RCBTB1: variants seen among roughly 807,000 people sequenced by gnomAD.
The protein encoded by RCBTB1 is RCC1 and BTB domain-containing protein 1.
A neutral mutation model predicts 62.4 loss-of-function variants in RCBTB1; 46 were observed. That is an observed-to-expected ratio of 0.74 (90% CI 0.58 to 0.94). RCBTB1 has a LOEUF of 0.94. RCBTB1 is among the 40% of genes least tolerant of loss of function. The pLI is 0.00. For missense variants in RCBTB1, 565 were observed against 654.9 expected (o/e 0.86, Z 1.50); for synonymous variants, 222 against 245.8 (o/e 0.90, Z 0.91).
intron 5 of RCBTB1, 95 bp downstream of exon 5, chr13:49,559,823 T>A (rs1225368190): frequency 8.6e-7 from 1 of 1,161,866 alleles, no homozygotes; most frequent in African/African-American, 1.6e-5. Context: ...CACTGAACTA[T>A]ACACTTAAAA....
Position 49,540,858 on chromosome 13 carries a change from G to C in RCBTB1, c.1455+18C>G. The C allele has an allele frequency of 6.2e-7, 1 of 1,610,330 alleles. No individual in the cohort carries two copies. Among genetic ancestry groups the C allele is most frequent in the Non-Finnish European group, 8.5e-7 (1 of 1,178,852 alleles). ...GGGAGTTAAAGGTGGTCTGGTTTCT[G>C]TTTGTTGTTTAAGTTACCTCTGCAT... On this transcript the variant is annotated intron_variant, in intron 12 of 12. Coordinates refer to ENST00000378302, the MANE Select transcript of RCBTB1 (RefSeq NM_018191.4).
intron 4 of RCBTB1, among the ~76,000 whole-genome samples, chr13:49,563,258 G>A (rs759665055): frequency 6.8e-6 from 1 of 146,710 alleles, no homozygotes; most frequent in Non-Finnish European, 1.5e-5. Context: ...AAAATGAGGT[G>A]GGAAGATCGC....
Position 49,560,092 on chromosome 13 carries a change from CACA to C in RCBTB1, c.278-11_278-9del. ...AGGCATAAACCACTCCATCTGTGCA[CACA>C]AAGCACACAAAAAATCAGCTCCAAA... On this transcript the variant is annotated splice_polypyrimidine_tract_variant and intron_variant, in intron 4 of 12. Transcript: ENST00000378302. 6.2e-7 allele frequency: 1 copy of C among 1,606,880 alleles called. No individual in the cohort carries two copies. Among genetic ancestry groups the C allele is most frequent in the Non-Finnish European group, 8.5e-7 (1 of 1,177,628 alleles).
At chr13:49,556,364 G>T (rs796864626) in intron 5 of RCBTB1, among the ~76,000 whole-genome samples, 34 of 151,768 alleles carry the variant, frequency 2.2e-4, no homozygotes, top group African/African-American at 8.2e-4. Flanking sequence ...CTAATTTTTT[G>T]TATTTTTAGT....
chr13:49,563,760 T>G (rs1215585152), intron 4 of RCBTB1, among the ~76,000 whole-genome samples: 1 of 152,242 alleles, frequency 6.6e-6, no homozygotes, highest in African/African-American at 2.4e-5. Flanking sequence ...CCAGTTATAT[T>G]CATACCACAT....
chr13:49,564,410 C>T (rs1962728313), intron 4 of RCBTB1, among the ~76,000 whole-genome samples: 1 of 150,514 alleles, frequency 6.6e-6, no homozygotes. Context: ...TATGATGAAA[C>T]CCAGTCTCTA....
At chr13:49,551,102 A>AAAGGGAAGGG (rs758804412) in intron 8 of RCBTB1, 2 of 466,314 alleles carry the variant, frequency 4.3e-6, no homozygotes, top group Admixed American at 7.4e-5. Flanking sequence ...CTGTCTCAAA[A>AAAGGGAAGGG]AAGGGAAGGG....
At chr13:49,534,804 C>A (rs1008168221) in intron 12 of RCBTB1, among the ~76,000 whole-genome samples, 1 of 152,162 alleles carries the variant, frequency 6.6e-6, no homozygotes, top group African/African-American at 2.4e-5. Flanking sequence ...GAGGCCGAGG[C>A]GGGCGGATCA....
At chr13:49,576,473 A>G (rs1237114713) in intron 2 of RCBTB1, among the ~76,000 whole-genome samples, 1 of 152,212 alleles carries the variant, frequency 6.6e-6, no homozygotes, top group African/African-American at 2.4e-5. Context: ...GGAAAAGTAA[A>G]ATCATACTGT....
chr13:49,560,286 G>A (rs925516988), intron 4 of RCBTB1, among the ~76,000 whole-genome samples: 3 of 152,038 alleles, frequency 2.0e-5, no homozygotes, highest in Admixed American at 1.3e-4. Flanking sequence ...AATCTTTAAA[G>A]AAAAAACTTG....
At chr13:49,534,303 A>G in intron 12 of RCBTB1, 41 bp from the exon 13 acceptor site, 2 of 1,595,094 alleles carry the variant, frequency 1.3e-6, no homozygotes, top group Non-Finnish European at 1.7e-6. Flanking sequence ...TGGCTTTTTT[A>G]GGCAACTTTG....
At chr13:49,581,370 G>A (rs1055251694) in intron 1 of RCBTB1, among the ~76,000 whole-genome samples, 5 of 152,224 alleles carry the variant, frequency 3.3e-5, no homozygotes, top group African/African-American at 1.2e-4. Flanking sequence ...CAGAGCCGAA[G>A]ATCACAGGCA....
Position 49,560,098 on chromosome 13 carries a change from G to A in RCBTB1, c.278-14C>T, listed in dbSNP as rs764816390. The A allele has an allele frequency of 6.2e-6, 10 of 1,605,922 alleles. No homozygotes were observed. The highest frequency in any genetic ancestry group is 8.5e-6 in the Non-Finnish European group (10 of 1,177,260). Reference sequence around the variant, plus strand: ...AAACCACTCCATCTGTGCACACAAAGCACACAAAAAATCAGCTCCAAAAAG... The same window carrying A: ...AAACCACTCCATCTGTGCACACAAAACACACAAAAAATCAGCTCCAAAAAG... On this transcript the variant is annotated splice_polypyrimidine_tract_variant and intron_variant, in intron 4 of 12. Transcript: ENST00000378302.
intron 4 of RCBTB1, among the ~76,000 whole-genome samples, chr13:49,560,292 A>G (rs1246387509): frequency 2.0e-5 from 3 of 152,024 alleles, no homozygotes; most frequent in Non-Finnish European, 4.4e-5. Flanking sequence ...TAAAGAAAAA[A>G]CTTGGTAATA....
chr13:49,543,867 T>C (rs978774586), intron 10 of RCBTB1, among the ~76,000 whole-genome samples: 7 of 152,092 alleles, frequency 4.6e-5, no homozygotes, highest in Admixed American at 2.6e-4. Context: ...TTCTATTTTT[T>C]GTAGAGACAG....
At chr13:49,554,970 C>A (rs1961723922) in intron 6 of RCBTB1, among the ~76,000 whole-genome samples, 1 of 152,148 alleles carries the variant, frequency 6.6e-6, no homozygotes, top group African/African-American at 2.4e-5. Flanking sequence ...AAGCTGCATC[C>A]AGAGACTAAT....
At chr13:49,558,182 C>G (rs1453008992) in intron 5 of RCBTB1, among the ~76,000 whole-genome samples, 2 of 152,138 alleles carry the variant, frequency 1.3e-5, no homozygotes, top group East Asian at 3.9e-4. Context: ...GCTGTGCAGA[C>G]TAGTTTGTGT....
chr13:49,544,102 A>G (rs1594259950), intron 10 of RCBTB1, among the ~76,000 whole-genome samples: 1 of 152,214 alleles, frequency 6.6e-6, no homozygotes, highest in Non-Finnish European at 1.5e-5. Flanking sequence ...TTTCAATAAC[A>G]ACCTTTTGTA....
chr13:49,552,338 G>A (rs2139187243), intron 6 of RCBTB1, 53 bp from the exon 7 acceptor site: 2 of 1,228,754 alleles, frequency 1.6e-6, no homozygotes, highest in Admixed American at 2.2e-5. Context: ...TGGTAAGAAG[G>A]AAGAGACAAA....
Sources: allele counts gnomAD v4.1 joint callset (sites outside exome capture counted in the v4.1 genomes callset), GRCh38; gene constraint gnomAD v4.1.1; transcripts MANE v1.5; gene names NCBI Gene and HGNC (gene_info 2026-07-23, HGNC 2026-07-21).